The following CCDC144A variants were observed in gnomAD, a reference collection of about 807,000 sequenced individuals.
CCDC144A encodes the protein coiled-coil domain-containing protein 144A.
In CCDC144A, 41 loss-of-function variants were observed where a neutral mutation model predicts 143.8. The observed-to-expected ratio is 0.29, with a 90% confidence interval of 0.22 to 0.37. The LOEUF (loss-of-function observed/expected upper bound fraction) is 0.37, where lower values mean the gene tolerates loss of function less well. CCDC144A is among the 10% of genes least tolerant of loss of function. The pLI is 1.00. For synonymous variants in CCDC144A, 242 were observed against 517.9 expected, an observed-to-expected ratio of 0.47 and a Z score of 7.23; for missense variants, 637 against 1,488.8, an observed-to-expected ratio of 0.43 and a Z score of 9.41.
chr17:16,711,150 A>AAC, intron 5 of CCDC144A, among the ~76,000 whole-genome samples: 1 of 141,032 alleles, frequency 7.1e-6, no homozygotes, highest in African/African-American at 2.6e-5. Flanking sequence ...AAAAAAAAAA[A>AAC]AAAAAAAACA....
At chr17:16,679,132 T>C in the CCDC144A span, among the ~76,000 whole-genome samples, 579 of 152,120 alleles carry the variant, frequency 3.8e-3, 6 homozygotes, top group African/African-American at 0.013. Context: ...CTTGAACTCC[T>C]GGCCTCAAGT....
At chr17:16,670,421 G>A in the CCDC144A span, among the ~76,000 whole-genome samples, 1 of 149,836 alleles carries the variant, frequency 6.7e-6, no homozygotes, top group Non-Finnish European at 1.5e-5. Context: ...CTGAGTAGCC[G>A]GGATTACATA....
chr17:16,771,883 A>G, intron 15 of CCDC144A, 94 bp from the exon 16 acceptor site: 5 of 1,007,452 alleles, frequency 5.0e-6, no homozygotes, highest in Non-Finnish European at 7.3e-6. Context: ...TAGTCTGTAA[A>G]AGTATTATTT....
intron 12 of CCDC144A, among the ~76,000 whole-genome samples, chr17:16,739,372 T>C (rs1214683105): frequency 2.8e-5 from 4 of 141,110 alleles, no homozygotes; most frequent in Non-Finnish European, 4.6e-5. Context: ...CTCCCAAGTG[T>C]TGGGATTATA....
At chr17:16,720,340 A>T in intron 7 of CCDC144A, 109 bp downstream of exon 7, 3 of 1,436,838 alleles carry the variant, frequency 2.1e-6, no homozygotes, top group Non-Finnish European at 2.8e-6. Context: ...TGCTTAGAAA[A>T]AGTGATGAAG....
intron 15 of CCDC144A, among the ~76,000 whole-genome samples, chr17:16,769,478 GTT>G (rs939454848): frequency 5.6e-4 from 86 of 152,368 alleles, no homozygotes; most frequent in African/African-American, 2.0e-3. Context: ...TCTGTTTTGT[GTT>G]TTCAGTTTTT....
intron 2 of CCDC144A, among the ~76,000 whole-genome samples, chr17:16,696,068 G>A (rs1911382056): frequency 6.6e-6 from 1 of 152,178 alleles, no homozygotes; most frequent in Admixed American, 6.5e-5. Flanking sequence ...AGGCTGGAGT[G>A]CAGTGGCGTT....
intron 2 of CCDC144A, among the ~76,000 whole-genome samples, chr17:16,704,502 A>G (rs957809395): frequency 1.3e-4 from 20 of 152,094 alleles, no homozygotes; most frequent in Non-Finnish European, 4.4e-5. Flanking sequence ...TTGTTTATAT[A>G]GTAAAAAGGA....
At chr17:16,734,515 C>A (rs555134612) in intron 11 of CCDC144A, among the ~76,000 whole-genome samples, 175 bp from the exon 12 acceptor site, 1 of 152,158 alleles carries the variant, frequency 6.6e-6, no homozygotes, top group African/African-American at 2.4e-5. Flanking sequence ...TTCAAATAAA[C>A]TTATGAAGTT....
the CCDC144A span, chr17:16,683,791 G>C: frequency 4.8e-6 from 7 of 1,449,462 alleles, no homozygotes; most frequent in East Asian, 1.6e-4. Context: ...ACATGAAGCC[G>C]AGCGTGAAGC....
chr17:16,733,419 C>T (rs1296647707), intron 11 of CCDC144A, among the ~76,000 whole-genome samples: 2 of 148,644 alleles, frequency 1.3e-5, no homozygotes, highest in South Asian at 2.1e-4. Flanking sequence ...AGGAGAATGG[C>T]GTGAACCCTG....
chr17:16,754,463 A>G (rs1256885779), intron 12 of CCDC144A, among the ~76,000 whole-genome samples: 1 of 151,946 alleles, frequency 6.6e-6, no homozygotes, highest in East Asian at 1.9e-4. Flanking sequence ...CCCCATTTTC[A>G]TTTGTTTGAA....
intron 12 of CCDC144A, among the ~76,000 whole-genome samples, chr17:16,755,419 G>GT (rs1297235483): frequency 3.3e-5 from 5 of 152,094 alleles, no homozygotes; most frequent in African/African-American, 7.2e-5. Context: ...GAGTCTTACA[G>GT]TTTTTTGATT....
intron 12 of CCDC144A, among the ~76,000 whole-genome samples, chr17:16,749,068 A>G (rs551399988): frequency 1.3e-3 from 204 of 151,958 alleles, no homozygotes; most frequent in Non-Finnish European, 2.1e-3. Flanking sequence ...GATCCTTTGT[A>G]TGGATTTTTG....
intron 12 of CCDC144A, chr17:16,746,130 T>C (rs946200777): frequency 5.7e-6 from 9 of 1,584,480 alleles, no homozygotes; most frequent in Non-Finnish European, 7.8e-6. Context: ...GGATTCCTGC[T>C]TGCCACCTCC....
intron 6 of CCDC144A, among the ~76,000 whole-genome samples, chr17:16,712,655 T>A (rs1454844485): frequency 6.6e-6 from 1 of 152,132 alleles, no homozygotes; most frequent in Non-Finnish European, 1.5e-5. Flanking sequence ...TACTTATGTA[T>A]AAGGATATTT....
chr17:16,676,458 C>G, the CCDC144A span, among the ~76,000 whole-genome samples: 1 of 147,306 alleles, frequency 6.8e-6, no homozygotes, highest in African/African-American at 2.5e-5. Context: ...TTGCAGTGGG[C>G]AGAGATGGGG....
intron 12 of CCDC144A, among the ~76,000 whole-genome samples, chr17:16,758,417 T>TA: frequency 6.6e-6 from 1 of 152,208 alleles, no homozygotes; most frequent in Non-Finnish European, 1.5e-5. Context: ...GTTTCTGCGG[T>TA]ATAACCCCTT....
intron 12 of CCDC144A, among the ~76,000 whole-genome samples, chr17:16,757,317 A>G (rs1252203798): frequency 1.3e-5 from 2 of 152,258 alleles, no homozygotes; most frequent in African/African-American, 2.4e-5. Flanking sequence ...TACCTAAGGC[A>G]GTGTGTGGAG....
Sources: gnomAD v4.1 joint callset for allele counts (sites outside exome capture counted in the v4.1 genomes callset) on GRCh38, gnomAD v4.1.1 for gene constraint, MANE v1.5 for transcripts, NCBI Gene and HGNC (gene_info 2026-07-23, HGNC 2026-07-21) for gene names.